Variants in ATAD2B observed in about 807,000 individuals in gnomAD.
ATAD2B encodes the protein ATPase family AAA domain containing 2B, also known as ATPase family AAA domain-containing protein 2B.
Under a neutral mutation model 167.6 loss-of-function variants are expected in ATAD2B, and 40 were observed. The observed-to-expected ratio is 0.24, with a 90% CI of 0.19 to 0.31. ATAD2B has a LOEUF of 0.31. Ranked by LOEUF, ATAD2B falls within the 10% of genes least tolerant of loss-of-function variation. ATAD2B has a pLI of 1.00. For synonymous variants in ATAD2B, 579 were observed against 596.5 expected (o/e 0.97, Z 0.43); for missense variants, 1,242 against 1,757.2 (o/e 0.71, Z 5.24).
chr2:23,736,181 C>G, the ATAD2B span, among the ~76,000 whole-genome samples: 1 of 152,136 alleles, frequency 6.6e-6, no homozygotes, highest in Non-Finnish European at 1.5e-5. Context: ...TATTTCTCAT[C>G]TATACAACTC....
chr2:23,736,693 G>A, the ATAD2B span, among the ~76,000 whole-genome samples: 1 of 152,148 alleles, frequency 6.6e-6, no homozygotes, highest in Non-Finnish European at 1.5e-5. Context: ...CAGACAGTAG[G>A]TGCAAGACAG....
intron 13 of ATAD2B, among the ~76,000 whole-genome samples, chr2:23,849,086 C>G (rs78149245): frequency 0.022 from 3,364 of 151,810 alleles, 376 homozygotes; most frequent in Admixed American, 0.19. Flanking sequence ...AAACAGCAGA[C>G]ACAAATAGAA....
At chr2:23,694,066 TA>T in the ATAD2B span, among the ~76,000 whole-genome samples, 1 of 152,310 alleles carries the variant, frequency 6.6e-6, no homozygotes, top group South Asian at 2.1e-4. Flanking sequence ...GGGCAGCTAA[TA>T]ACAGTGACAG....
the ATAD2B span, among the ~76,000 whole-genome samples, chr2:23,698,684 A>ATTT: frequency 1.7e-4 from 26 of 152,316 alleles, 1 homozygote; most frequent in South Asian, 5.2e-3. Context: ...CGGGTCTAAT[A>ATTT]TTTTATAGCA....
chr2:23,912,920 C>A (rs1480837885), intron 1 of ATAD2B, among the ~76,000 whole-genome samples: 1 of 152,102 alleles, frequency 6.6e-6, no homozygotes, highest in African/African-American at 2.4e-5. Flanking sequence ...CACTGGAAAC[C>A]AGGAGACACA....
intron 7 of ATAD2B, 61 bp downstream of exon 7, chr2:23,880,578 C>T: frequency 3.3e-6 from 3 of 896,806 alleles, no homozygotes; most frequent in South Asian, 1.6e-5. Context: ...AAAAAAAAAG[C>T]AGTGGGGCAG....
chr2:23,788,863 A>G (rs945532762), intron 19 of ATAD2B, among the ~76,000 whole-genome samples: 20 of 152,254 alleles, frequency 1.3e-4, no homozygotes, highest in African/African-American at 4.6e-4. Flanking sequence ...TACCCAAGTC[A>G]TTAATGAATG....
intron 6 of ATAD2B, among the ~76,000 whole-genome samples, chr2:23,882,312 C>G (rs1300090553): frequency 6.6e-6 from 1 of 151,848 alleles, no homozygotes; most frequent in African/African-American, 2.4e-5. Context: ...TCTCATATCT[C>G]AGCCTCCCGA....
At chr2:23,817,095 C>A (rs1686561911) in intron 17 of ATAD2B, among the ~76,000 whole-genome samples, 1 of 152,134 alleles carries the variant, frequency 6.6e-6, no homozygotes, top group Non-Finnish European at 1.5e-5. Context: ...ATATGTTGCC[C>A]ATACTAAAGG....
At chr2:23,822,981 C>CTAT (rs1032970062) in intron 16 of ATAD2B, among the ~76,000 whole-genome samples, 28 of 145,982 alleles carry the variant, frequency 1.9e-4, no homozygotes, top group African/African-American at 3.8e-4. Context: ...AAAGGTTAAC[C>CTAT]TATTATTATT....
At chr2:23,755,656 A>C (rs1675864432) in intron 25 of ATAD2B, among the ~76,000 whole-genome samples, 1 of 152,152 alleles carries the variant, frequency 6.6e-6, no homozygotes, top group African/African-American at 2.4e-5. Flanking sequence ...GTCTCAATGC[A>C]GGGACCCGCC....
At chr2:23,803,320 AC>A in intron 18 of ATAD2B, among the ~76,000 whole-genome samples, 1 of 149,818 alleles carries the variant, frequency 6.7e-6, no homozygotes, top group Non-Finnish European at 1.5e-5. Flanking sequence ...GTGTACACAC[AC>A]ACACACACAC....
chr2:23,861,974 G>A (rs1188062682), intron 12 of ATAD2B, among the ~76,000 whole-genome samples: 1 of 152,242 alleles, frequency 6.6e-6, no homozygotes, highest in Non-Finnish European at 1.5e-5. Context: ...GCCAAGGCGG[G>A]AGGATAGCTG....
chr2:23,869,838 T>G, intron 8 of ATAD2B, 77 bp from the exon 9 acceptor site: 1 of 887,484 alleles, frequency 1.1e-6, no homozygotes, highest in Non-Finnish European at 1.7e-6. Context: ...ATATCTACAA[T>G]TAGCTCAGAG....
downstream of ATAD2B, among the ~76,000 whole-genome samples, chr2:23,744,236 T>G (rs1674677682): frequency 2.7e-5 from 4 of 149,334 alleles, no homozygotes; most frequent in Admixed American, 2.7e-4. Flanking sequence ...TTTAGAAACA[T>G]CAAATAATCA....
At chr2:23,889,360 G>A (rs1371557905) in intron 2 of ATAD2B, among the ~76,000 whole-genome samples, 2 of 151,862 alleles carry the variant, frequency 1.3e-5, no homozygotes, top group Non-Finnish European at 2.9e-5. Context: ...TACAGATGGG[G>A]TTTCACCATG....
At chr2:23,910,659 G>A (rs1573405869) in intron 1 of ATAD2B, among the ~76,000 whole-genome samples, 1 of 151,264 alleles carries the variant, frequency 6.6e-6, no homozygotes, top group South Asian at 2.1e-4. Flanking sequence ...CCTGAGGTCA[G>A]AAGTTTGAGA....
intron 22 of ATAD2B, among the ~76,000 whole-genome samples, chr2:23,772,716 G>A (rs1460800455): frequency 2.0e-5 from 3 of 152,088 alleles, no homozygotes; most frequent in African/African-American, 7.2e-5. Flanking sequence ...GCATTTGAGA[G>A]GGAACACTGC....
intron 1 of ATAD2B, among the ~76,000 whole-genome samples, chr2:23,896,876 C>A (rs1274481298): frequency 1.3e-5 from 2 of 152,200 alleles, no homozygotes; most frequent in Admixed American, 6.5e-5. Flanking sequence ...GTGGCTCATG[C>A]ATGTAATCCC....
Sources: gnomAD v4.1 joint callset for allele counts (sites outside exome capture counted in the v4.1 genomes callset) on GRCh38, gnomAD v4.1.1 for gene constraint, MANE v1.5 for transcripts, NCBI Gene and HGNC (gene_info 2026-07-23, HGNC 2026-07-21) for gene names.